Variants in AGAP2 observed in about 807,000 individuals in gnomAD.
AGAP2 encodes the protein ArfGAP with GTPase domain, ankyrin repeat and PH domain 2, also known as arf-GAP with GTPase, ANK repeat and PH domain-containing protein 2.
A neutral mutation model predicts 110.9 loss-of-function variants in AGAP2; 32 were observed. The ratio of observed to expected loss-of-function variants is 0.29; its 90% CI spans 0.22 to 0.39. The LOEUF is 0.39. AGAP2 is among the 10% of genes least tolerant of loss of function. The pLI, the probability that AGAP2 is intolerant of heterozygous loss-of-function variation, is 1.00. For synonymous variants in AGAP2, 702 were observed against 713.0 expected, an observed-to-expected ratio of 0.98 and a Z score of 0.25; for missense variants, 1,285 against 1,638.5, an observed-to-expected ratio of 0.78 and a Z score of 3.72.
At chr12:57,733,907 G>T in intron 5 of AGAP2, 119 bp downstream of exon 5, 1 of 1,195,758 alleles carries the variant, frequency 8.4e-7, no homozygotes, top group Non-Finnish European at 1.1e-6. Flanking sequence ...CTCCAGAAGG[G>T]TACTATAATC....
In AGAP2 at chr12:57,730,491, T is replaced by G. The variant is rs768196874; in HGVS notation, c.2428+4A>C. ...ACAGCAGATGGAAGGTCATCCCCAC[T>G]GACCCGTGCTGAGGGCTCGGGCCAA... On this transcript the variant is annotated splice_donor_region_variant and intron_variant, in intron 12 of 18. Transcript: ENST00000547588. 6.2e-7 allele frequency: 1 copy of G among 1,613,894 alleles called. No homozygotes were observed. The highest frequency in any genetic ancestry group is 8.5e-7 in the Non-Finnish European group (1 of 1,179,926).
Position 57,738,372 on chromosome 12 carries a change from G to T in AGAP2, c.-126C>A. ...CGGACCCCGCTGAGCCCCCGGCCCG[G>T]CTCCGCTGTCGCCGCCGCCTCCGCC... On this transcript the variant is annotated 5_prime_UTR_variant, in exon 1 of 19. Coordinates refer to ENST00000547588, the MANE Select transcript of AGAP2 (RefSeq NM_001122772.3). This position sits in a 1 kb window ranked among gnomAD's most constrained non-coding sequence, Gnocchi z 6.7. The T allele has an allele frequency of 1.2e-5, 15 of 1,200,354 alleles. No homozygotes were observed. Among genetic ancestry groups the T allele is most frequent in the Non-Finnish European group, 1.6e-5 (15 of 958,994 alleles). The allele number at this position is 1,200,354 out of a possible 1,614,324, so 74.4% of individuals were successfully genotyped here. A position where few individuals can be genotyped will look rare whatever the true frequency, so the allele number is the denominator to read the frequency against.
Position 57,732,032 on chromosome 12 carries a change from T to C in AGAP2, c.1795-65A>G, listed in dbSNP as rs1040020594. 3 of 1,547,684 alleles carry C rather than the reference T, an allele frequency of 1.9e-6. No homozygotes were observed. The South Asian group carries it at 3.6e-5, about 19-fold the overall frequency. The stretch of plus-strand genomic sequence containing the variant: ...CCTACTCCACCAAGCTACACTCATA[T>C]CTCGTTATGGGGAATTTGAGACATT... On this transcript the variant is annotated intron_variant, in intron 7 of 18. Coordinates refer to ENST00000547588, the MANE Select transcript of AGAP2 (RefSeq NM_001122772.3).
chr12:57,734,571 C>T (rs1954945522), intron 3 of AGAP2, 21 bp downstream of exon 3: 1 of 1,613,614 alleles, frequency 6.2e-7, no homozygotes, highest in South Asian at 1.1e-5. Context: ...GGTTAGCTTA[C>T]TATGGCTCTT....
rs1954881096 is a variant in AGAP2 at position 57,731,378 on chromosome 12, G to A, written c.2133C>T (p.His711=). 1 of 1,613,760 alleles carries A rather than the reference G, an allele frequency of 6.2e-7. No individual in the cohort carries two copies. Among genetic ancestry groups the A allele is most frequent in the East Asian group, 2.2e-5 (1 of 44,884 alleles). ...TLSSNGFLLY[H]PSINDYIHST... ...CTCTGCCACTCACGTTAATACTGGG[G>A]TGGTAGAGTAGAAAGCCATTACTGG... The change falls in exon 10 of 19, where the codon CAC becomes CAT. Residue 711 remains histidine, a synonymous_variant. Coordinates refer to ENST00000547588, the MANE Select transcript of AGAP2 (RefSeq NM_001122772.3).
rs373982664 is a variant in AGAP2 at position 57,727,617 on chromosome 12, G to A, written c.2858-35C>T. The A allele has an allele frequency of 7.5e-6, 12 of 1,590,556 alleles. No individual in the cohort carries two copies. The African/African-American group carries it at 1.5e-4, about 20-fold the overall frequency. On this transcript the variant is annotated intron_variant, in intron 16 of 18. Coordinates refer to ENST00000547588, the MANE Select transcript of AGAP2 (RefSeq NM_001122772.3). The stretch of plus-strand genomic sequence containing the variant: ...GAGCGTAGAGGTCGGCTCCCAGCCG[G>A]GCAGCACAGGCACCCCGGCATTCAC...
chr12:57,738,317 G>T lies in AGAP2; in HGVS notation c.-71C>A. ...GACTGCCTCAGGGGGGCCCGGCCAT[G>T]GGGCCGCCCTGCTCGCTGCCCCCAG... On this transcript the variant is annotated 5_prime_UTR_variant, in exon 1 of 19. Coordinates refer to ENST00000547588, the MANE Select transcript of AGAP2 (RefSeq NM_001122772.3). This position sits in a 1 kb window ranked among gnomAD's most constrained non-coding sequence, Gnocchi z 6.7. The T allele has an allele frequency of 7.4e-7, 1 of 1,359,466 alleles. No homozygotes were observed. Among genetic ancestry groups the T allele is most frequent in the Non-Finnish European group, 9.4e-7 (1 of 1,060,848 alleles). 84.2% of individuals were successfully genotyped at this position (1,359,466 alleles called of 1,614,324 possible). A position where few individuals can be genotyped will look rare whatever the true frequency, so the allele number is the denominator to read the frequency against.
intron 1 of AGAP2, among the ~76,000 whole-genome samples, chr12:57,735,717 C>A (rs773302997): frequency 9.9e-5 from 15 of 152,222 alleles, no homozygotes; most frequent in Non-Finnish European, 1.9e-4. Flanking sequence ...GGTCCTGGCC[C>A]CAGACAGGGA....
chr12:57,733,886 G>A, intron 5 of AGAP2, 140 bp downstream of exon 5: 2 of 959,522 alleles, frequency 2.1e-6, no homozygotes, highest in African/African-American at 1.6e-5. Context: ...CTTATTTGGA[G>A]ACCAGGCTCC....
upstream of AGAP2, chr12:57,742,090 G>T (rs1565800997): frequency 1.2e-6 from 2 of 1,610,460 alleles, no homozygotes; most frequent in Non-Finnish European, 1.7e-6. Flanking sequence ...GACCTGTCTT[G>T]CCAGGCTAAC....
chr12:57,739,074 C>T (rs1376982093), upstream of AGAP2, among the ~76,000 whole-genome samples: 1 of 151,832 alleles, frequency 6.6e-6, no homozygotes, highest in African/African-American at 2.4e-5. Context: ...ATTTCTCTCC[C>T]AAATCCTGGG....
chr12:57,732,858 C>T lies in AGAP2; in HGVS notation c.1671G>A (p.Arg557=), dbSNP rs747803432. ...CACTACACTCACCCTCCTGGAAGAC[C>T]CGATCCACATTGAGCCCATAGGTTG... ...TCATYGLNVD[R]VFQEVAQKVV... The change falls in exon 6 of 19, where the codon CGG becomes CGA. Residue 557 remains arginine (R), a synonymous_variant. Transcript: ENST00000547588. 1 of 1,613,968 alleles carries T rather than the reference C, an allele frequency of 6.2e-7. No individual in the cohort carries two copies. The highest frequency in any genetic ancestry group is 1.7e-5 in the Admixed American group (1 of 60,018).
chr12:57,741,582 T>C (rs1955077010), upstream of AGAP2, among the ~76,000 whole-genome samples: 1 of 152,160 alleles, frequency 6.6e-6, no homozygotes. Context: ...CCAGACTGCT[T>C]CCTGCTCTGG....
At position 57,726,927 on chromosome 12, in the gene AGAP2, C is replaced by G. The variant is rs530584213; in HGVS notation, c.3336+47G>C. ...GGGCTTTCCCGCGCCAGGCGTTTTCCGAGATGAAGCCTCAAAGACCCCCTT... is the reference window on the plus strand; with the variant it reads ...GGGCTTTCCCGCGCCAGGCGTTTTCGGAGATGAAGCCTCAAAGACCCCCTT... On this transcript the variant is annotated intron_variant, in intron 18 of 18. Coordinates refer to ENST00000547588, the MANE Select transcript of AGAP2 (RefSeq NM_001122772.3). The surrounding 1 kb of genome is among the most constrained non-coding windows in gnomAD (Gnocchi z 5.7). 20 of 1,500,676 alleles carry G rather than the reference C, an allele frequency of 1.3e-5. No homozygotes were observed. The highest frequency in any genetic ancestry group is 1.8e-5 in the Non-Finnish European group (20 of 1,130,306). The allele number at this position is 1,500,676 out of a possible 1,614,324, so 93.0% of individuals were successfully genotyped here.
In AGAP2 at chr12:57,727,767, C is replaced by A; in HGVS notation, c.2771G>T (p.Arg924Leu). The change falls in exon 16 of 19, where the codon CGC (arginine) becomes CTC (leucine). Residue 924 changes from arginine to leucine, a missense_variant. Coordinates refer to ENST00000547588, the MANE Select transcript of AGAP2 (RefSeq NM_001122772.3). ...QCCESSKVKL[R>L]TDSQSEAVAI... ...CACGGCCTCGCTTTGGCTGTCTGTG[C>A]GCAGCTGCAGAGAGGGTTTGGGTTG... 6.3e-7 allele frequency: 1 copy of A among 1,578,992 alleles called. No homozygotes were observed. Among genetic ancestry groups the A allele is most frequent in the East Asian group, 2.2e-5 (1 of 44,610 alleles).
rs768941136 is a variant in AGAP2, at chr12:57,726,611, G to T, written c.3520C>A (p.Arg1174Ser). ...TPSITATPSP[R>S]RRSSAASVGR... Reference sequence around the variant, plus strand: ...ACGCTAGCGGCGCTGCTCCGGCGGCGGGGGCTGGGCGTGGCGGTGATGCTG... The same window carrying T: ...ACGCTAGCGGCGCTGCTCCGGCGGCTGGGGCTGGGCGTGGCGGTGATGCTG... Residue 1174 changes from arginine (R) to serine (S), a missense_variant, in exon 19 of 19, where the codon CGC (arginine) becomes AGC (serine). Arg to Ser is a moderately radical substitution (Grantham distance 110). Transcript: ENST00000547588. This position sits in a 1 kb window ranked among gnomAD's most constrained non-coding sequence, Gnocchi z 5.7. 8.3e-7 allele frequency: 1 copy of T among 1,200,760 alleles called. No homozygotes were observed. The allele number at this position is 1,200,760 out of a possible 1,614,324, so 74.4% of individuals were successfully genotyped here.
Position 57,738,067 on chromosome 12 carries a change from C to A in AGAP2, c.180G>T (p.Glu60Asp), listed in dbSNP as rs867148442. Residue 60 changes from glutamate (E) to aspartate (D), a missense_variant, in exon 1 of 19, where the codon GAG becomes GAT. By Grantham distance (45) the Glu-to-Asp change is conservative. Coordinates refer to ENST00000547588, the MANE Select transcript of AGAP2 (RefSeq NM_001122772.3). This position sits in a 1 kb window ranked among gnomAD's most constrained non-coding sequence, Gnocchi z 6.7. ...GDPGSPRGAE[E>D]PGKKRHERLF... is the part of the protein sequence containing the mutation. Reference sequence around the variant, plus strand: ...GACGTTCGTGCCGCTTCTTGCCCGGCTCCTCCGCGCCTCGGGGGCTGCCAG... The same window carrying A: ...GACGTTCGTGCCGCTTCTTGCCCGGATCCTCCGCGCCTCGGGGGCTGCCAG... 2 of 1,524,122 alleles carry A rather than the reference C, an allele frequency of 1.3e-6. No homozygotes were observed. Among genetic ancestry groups the A allele is most frequent in the South Asian group, 1.2e-5 (1 of 83,536 alleles). The allele number at this position is 1,524,122 out of a possible 1,614,324, so 94.4% of individuals were successfully genotyped here.
chr12:57,739,598 T>A (rs551274874), upstream of AGAP2: 1 of 152,270 alleles, frequency 6.6e-6, no homozygotes, highest in African/African-American at 2.4e-5. Context: ...TACCCCCCCA[T>A]GCCAAAATGC....
chr12:57,742,134 A>G, upstream of AGAP2: 2 of 1,572,806 alleles, frequency 1.3e-6, no homozygotes, highest in Non-Finnish European at 8.7e-7. Flanking sequence ...ATGGCCCTAC[A>G]GCCCCCAAAC....
Sources: gnomAD v4.1 joint callset for allele counts (sites outside exome capture counted in the v4.1 genomes callset) on GRCh38, gnomAD v4.1.1 for gene constraint, Gnocchi (gnomAD v3.1) non-coding constraint, MANE v1.5 for transcripts, NCBI Gene and HGNC (gene_info 2026-07-23, HGNC 2026-07-21) for gene names.